NGLY1: variants seen among roughly 807,000 people sequenced by gnomAD.
NGLY1 encodes N-glycanase 1.
NGLY1 carries 68 observed loss-of-function variants against 84.6 expected under a neutral mutation model. The ratio of observed to expected loss-of-function variants is 0.80; its 90% CI spans 0.66 to 0.98. The LOEUF (loss-of-function observed/expected upper bound fraction) is 0.98, where lower values mean the gene tolerates loss of function less well. Ranked by LOEUF, NGLY1 falls within the 50% of genes least tolerant of loss-of-function variation. The pLI is 0.00. For synonymous variants in NGLY1, 280 were observed against 275.2 expected (o/e 1.02, Z -0.17); for missense variants, 779 against 770.2 (o/e 1.01, Z -0.14).
At chr3:25,774,326 A>C (rs930878436) in intron 2 of NGLY1, among the ~76,000 whole-genome samples, 35 of 152,274 alleles carry the variant, frequency 2.3e-4, no homozygotes, top group African/African-American at 6.5e-4. Flanking sequence ...GGTTGCCTGC[A>C]TAAGTATTTG....
At chr3:25,770,037 T>C (rs538648724) in intron 2 of NGLY1, among the ~76,000 whole-genome samples, 1 of 151,924 alleles carries the variant, frequency 6.6e-6, no homozygotes, top group Non-Finnish European at 1.5e-5. Flanking sequence ...ACATATAATG[T>C]TTGGTTTTCC....
At position 25,720,058 on chromosome 3, in the gene NGLY1, T is replaced by C. The variant is rs1378247358; in HGVS notation, c.1745A>G (p.Glu582Gly). ...SSQTFQTGTVEWKLRSDTAQV... is the reference protein window; with the variant it reads ...SSQTFQTGTVGWKLRSDTAQV... ...TGCTGTATCAGATCGCAATTTCCAT[T>C]CTACTGTTCCAGTCTGAAAAGTTTG... is the stretch of plus-strand genomic sequence containing the variant. The change falls in exon 11 of 12, where the codon GAA becomes GGA. Residue 582 changes from glutamate (E) to glycine (G), a missense_variant. By Grantham distance (98) the Glu-to-Gly change is moderately conservative. Coordinates refer to ENST00000280700, the MANE Select transcript of NGLY1 (RefSeq NM_018297.4). 2 of 1,613,716 alleles carry C rather than the reference T, an allele frequency of 1.2e-6. No individual in the cohort carries two copies. The highest frequency in any genetic ancestry group is 1.3e-5 in the African/African-American group (1 of 74,914).
rs186477863 is a variant in NGLY1, at chr3:25,734,758, C to T, written c.1150-776G>A. On this transcript the variant is annotated intron_variant, in intron 7 of 11. Coordinates refer to ENST00000280700, the MANE Select transcript of NGLY1 (RefSeq NM_018297.4). ...AAAACGTAAAAGCCTATAAAATAAACGGAAGAGAATACGTCACTTATTCAT... is the reference window on the plus strand; with the variant it reads ...AAAACGTAAAAGCCTATAAAATAAATGGAAGAGAATACGTCACTTATTCAT... The T allele has an allele frequency of 3.8e-3, 3,439 of 909,418 alleles. 15 individuals are homozygous for T. Among genetic ancestry groups the T allele is most frequent in the Admixed American group, 7.7e-3 (124 of 16,128 alleles). The allele number at this position is 909,418 out of a possible 1,614,324, so 56.3% of individuals were successfully genotyped here.
chr3:25,776,989 G>T (rs187562775), intron 2 of NGLY1, among the ~76,000 whole-genome samples: 2 of 152,178 alleles, frequency 1.3e-5, no homozygotes, highest in Admixed American at 1.3e-4. Flanking sequence ...TTAGACTAAT[G>T]TAATAAGCTT....
intron 7 of NGLY1, 168 bp from the exon 8 acceptor site, chr3:25,734,150 TCA>T: frequency 5.0e-6 from 4 of 801,980 alleles, no homozygotes; most frequent in South Asian, 2.1e-5. Flanking sequence ...CACTGCAGTC[TCA>T]CTTCCCAGGG....
Position 25,764,446 on chromosome 3 carries a change from C to T in NGLY1, c.247-135G>A, listed in dbSNP as rs1707463522. On this transcript the variant is annotated intron_variant, in intron 2 of 11. Transcript: ENST00000280700. ...TTCTAAAATCATACTGTTTTCTTAC[C>T]ATTATGGTTCTTTTTAAATACAGCC... The T allele has an allele frequency of 6.2e-6, 6 of 975,112 alleles. No homozygotes were observed. In the South Asian group the frequency reaches 1.1e-4, roughly 17 times the overall value. 60.4% of individuals were successfully genotyped at this position (975,112 alleles called of 1,614,324 possible).
intron 2 of NGLY1, among the ~76,000 whole-genome samples, chr3:25,774,640 G>T (rs1219255054): frequency 1.3e-5 from 2 of 152,144 alleles, no homozygotes; most frequent in Non-Finnish European, 2.9e-5. Context: ...CTCCCACCAT[G>T]CTCCACCAAT....
chr3:25,752,837 T>C (rs1013997442), intron 3 of NGLY1, among the ~76,000 whole-genome samples: 3 of 151,084 alleles, frequency 2.0e-5, no homozygotes, highest in Non-Finnish European at 3.0e-5. Flanking sequence ...AAATAAATAA[T>C]ATAAAATAAA....
upstream of NGLY1, among the ~76,000 whole-genome samples, chr3:25,787,507 C>T (rs1050545037): frequency 6.6e-6 from 1 of 152,128 alleles, no homozygotes; most frequent in Admixed American, 6.5e-5. Flanking sequence ...TTCTATGGCT[C>T]CCTCTATCCA....
chr3:25,719,720 T>C, intron 11 of NGLY1, 85 bp from the exon 12 acceptor site: 1 of 1,063,808 alleles, frequency 9.4e-7, no homozygotes, highest in Non-Finnish European at 1.4e-6. Flanking sequence ...TTATATAGGC[T>C]GATGTATAAG....
chr3:25,759,917 A>AC (rs1559549311), intron 3 of NGLY1, among the ~76,000 whole-genome samples: 922 of 41,822 alleles, frequency 0.022, 12 homozygotes, highest in African/African-American at 0.034. Flanking sequence ...TAGTTAAAAA[A>AC]ACACACACAC....
chr3:25,786,275 GT>G (rs1244212951), upstream of NGLY1, among the ~76,000 whole-genome samples: 2 of 151,486 alleles, frequency 1.3e-5, no homozygotes, highest in African/African-American at 4.9e-5. Context: ...GTGAGCTGAG[GT>G]TGCCCTACTG....
At chr3:25,754,524 G>A (rs1706930570) in intron 3 of NGLY1, among the ~76,000 whole-genome samples, 1 of 152,178 alleles carries the variant, frequency 6.6e-6, no homozygotes, top group Non-Finnish European at 1.5e-5. Context: ...AGCAAGAAGA[G>A]TAAAACGATC....
chr3:25,736,368 TG>T (rs1473358818), intron 6 of NGLY1: 1 of 1,551,476 alleles, frequency 6.4e-7, no homozygotes. Flanking sequence ...TCCTTTAACG[TG>T]GTCAGTTTTA....
intron 2 of NGLY1, among the ~76,000 whole-genome samples, chr3:25,772,102 G>A (rs1181654787): frequency 6.6e-6 from 1 of 152,124 alleles, no homozygotes; most frequent in Non-Finnish European, 1.5e-5. Flanking sequence ...TCCTTGTCTT[G>A]TTCTGGTTCT....
intron 2 of NGLY1, among the ~76,000 whole-genome samples, chr3:25,773,743 G>C (rs1454049429): frequency 1.3e-5 from 2 of 152,170 alleles, no homozygotes; most frequent in African/African-American, 4.8e-5. Flanking sequence ...TTTAGGTATA[G>C]ACTATGTCAG....
chr3:25,774,880 T>C (rs1261704834), intron 2 of NGLY1, among the ~76,000 whole-genome samples: 1 of 152,180 alleles, frequency 6.6e-6, no homozygotes, highest in Non-Finnish European at 1.5e-5. Flanking sequence ...CCTGTGGTCT[T>C]TCCCCAATTC....
chr3:25,739,543 A>T, intron 5 of NGLY1, 34 bp downstream of exon 5: 1 of 1,577,420 alleles, frequency 6.3e-7, no homozygotes, highest in Non-Finnish European at 8.7e-7. Context: ...TTTCATTAAG[A>T]GATTATTCTG....
upstream of NGLY1, among the ~76,000 whole-genome samples, chr3:25,787,575 C>T (rs1249945613): frequency 6.6e-6 from 1 of 152,180 alleles, no homozygotes; most frequent in African/African-American, 2.4e-5. Context: ...TTTTAAGTGG[C>T]TTTGTTCAAG....
Sources: gnomAD v4.1 joint callset for allele counts (sites outside exome capture counted in the v4.1 genomes callset) on GRCh38, gnomAD v4.1.1 for gene constraint, MANE v1.5 for transcripts, NCBI Gene and HGNC (gene_info 2026-07-23, HGNC 2026-07-21) for gene names.